RB1CC1: variants seen among roughly 807,000 people sequenced by gnomAD.
RB1CC1 encodes the protein RB1 inducible coiled-coil 1, also known as RB1-inducible coiled-coil protein 1.
A neutral mutation model predicts 177.5 loss-of-function variants in RB1CC1; 46 were observed. The ratio of observed to expected loss-of-function variants is 0.26; its 90% confidence interval spans 0.20 to 0.33. The LOEUF (loss-of-function observed/expected upper bound fraction) is 0.33. RB1CC1 is among the 10% of genes least tolerant of loss of function. The probability of loss-of-function intolerance (pLI) is 1.00; values close to 1 mark genes in which losing one functional copy is unlikely to be tolerated. For missense variants in RB1CC1, 1,703 were observed against 1,816.3 expected (o/e 0.94, Z 1.13); for synonymous variants, 666 against 613.6 (o/e 1.09, Z -1.26).
intron 8 of RB1CC1, among the ~76,000 whole-genome samples, chr8:52,666,619 T>C (rs1365103168): frequency 1.3e-5 from 2 of 152,066 alleles, no homozygotes; most frequent in Admixed American, 1.3e-4. Context: ...TAAACTGCTA[T>C]GTGCTTAATG....
intron 18 of RB1CC1, among the ~76,000 whole-genome samples, chr8:52,639,109 T>C (rs1057306876): frequency 3.8e-4 from 57 of 151,994 alleles, no homozygotes; most frequent in African/African-American, 1.4e-3. Context: ...ACCTAACATA[T>C]TGTTAGAATT....
intron 5 of RB1CC1, among the ~76,000 whole-genome samples, chr8:52,676,832 G>A (rs1319750708): frequency 1.3e-5 from 2 of 152,134 alleles, no homozygotes; most frequent in Non-Finnish European, 2.9e-5. Context: ...CAAAGGAGTA[G>A]GGCTTTCAAT....
intron 15 of RB1CC1, among the ~76,000 whole-genome samples, chr8:52,652,784 G>A (rs780673357): frequency 3.3e-5 from 5 of 152,124 alleles, no homozygotes; most frequent in East Asian, 1.9e-4. Flanking sequence ...CTGGCCAGGC[G>A]TGGTGGCTCA....
In RB1CC1 at chr8:52,661,044, A is replaced by T. The variant is rs778620731; in HGVS notation, c.1546-37T>A. On this transcript the variant is annotated intron_variant, in intron 10 of 23. Transcript: ENST00000025008. ...AAGCTTATGTTAAACATAAACATAC[A>T]CCAATTCGTTAAAGTTCATATACAG... is the stretch of plus-strand genomic sequence containing the variant. 255 of 1,610,912 alleles carry T rather than the reference A, an allele frequency of 1.6e-4. 1 individual carries two copies. The highest frequency in any genetic ancestry group is 1.7e-4 in the Non-Finnish European group (196 of 1,178,568).
chr8:52,645,526 TAAA>T (rs1489191122), intron 16 of RB1CC1, among the ~76,000 whole-genome samples, 173 bp downstream of exon 16: 1 of 151,938 alleles, frequency 6.6e-6, no homozygotes, highest in Non-Finnish European at 1.5e-5. Context: ...GTAAAAAAAC[TAAA>T]AAAAATTCTT....
chr8:52,654,291 T>C (rs1035765262), intron 15 of RB1CC1, among the ~76,000 whole-genome samples: 1 of 152,198 alleles, frequency 6.6e-6, no homozygotes, highest in Non-Finnish European at 1.5e-5. Flanking sequence ...TATGATCTCA[T>C]ATGCACTGCA....
chr8:52,655,258 A>G lies in RB1CC1; in HGVS notation c.3821+750T>C, dbSNP rs561383121. The stretch of plus-strand genomic sequence containing the variant: ...AATCACAAGAGATTGTATAAAAGTG[A>G]TAAGGCAAGACACAGGTTGAAATAT... On this transcript the variant is annotated intron_variant, in intron 15 of 23. Coordinates refer to ENST00000025008, the MANE Select transcript of RB1CC1 (RefSeq NM_014781.5). Among the ~76,000 whole-genome samples, 23 of 152,358 alleles carry G rather than the reference A, an allele frequency of 1.5e-4. No homozygotes were observed. The South Asian group carries it at 3.7e-3, about 25-fold the overall frequency.
intron 19 of RB1CC1, 49 bp downstream of exon 19, chr8:52,635,966 C>T (rs763429636): frequency 3.1e-6 from 5 of 1,588,794 alleles, no homozygotes; most frequent in African/African-American, 1.4e-5. Flanking sequence ...TAACTGTATC[C>T]AAAAGTGAAC....
At chr8:52,644,233 A>C (rs16918031) in intron 16 of RB1CC1, among the ~76,000 whole-genome samples, 4,456 of 152,276 alleles carry the variant, frequency 0.029, 245 homozygotes, top group African/African-American at 0.1. Flanking sequence ...AGGTACAAAT[A>C]ACCTTAAATA....
chr8:52,642,631 A>G, intron 17 of RB1CC1, 40 bp from the exon 18 acceptor site: 1 of 1,599,870 alleles, frequency 6.3e-7, no homozygotes, highest in Non-Finnish European at 8.5e-7. Flanking sequence ...CATGTAATTA[A>G]AAAAACCACT....
intron 8 of RB1CC1, 90 bp downstream of exon 8, chr8:52,667,931 T>C: frequency 7.9e-7 from 1 of 1,258,324 alleles, no homozygotes; most frequent in Non-Finnish European, 1.1e-6. Flanking sequence ...AAAGTGAAAA[T>C]ATGGTGCACA....
chr8:52,706,431 C>T (rs1856556631), intron 1 of RB1CC1, among the ~76,000 whole-genome samples: 1 of 150,866 alleles, frequency 6.6e-6, no homozygotes, highest in African/African-American at 2.4e-5. Flanking sequence ...GCGATCTCCG[C>T]TCACTGCAGC....
At position 52,642,353 on chromosome 8, in the gene RB1CC1, T is replaced by C. The variant is rs147276234; in HGVS notation, c.4335A>G (p.Val1445=). ...DSAMETSMMS[V]QENIHMLSEE... ...CAGTTGAAAACAGCCATACTTACTGTACAGACATCATGCTTGTCTCCATTG... is the reference window on the plus strand; with the variant it reads ...CAGTTGAAAACAGCCATACTTACTGCACAGACATCATGCTTGTCTCCATTG... Residue 1445 remains valine, a splice_region_variant and synonymous_variant, in exon 18 of 24, where the codon GTA becomes GTG. Transcript: ENST00000025008. 1.9e-6 allele frequency: 3 copies of C among 1,613,380 alleles called. No individual in the cohort carries two copies. The highest frequency in any genetic ancestry group is 2.5e-6 in the Non-Finnish European group (3 of 1,179,382).
rs142219728 is a variant in RB1CC1 at position 52,628,062 on chromosome 8, G to A, written c.4606C>T (p.Pro1536Ser). ...TLYFLHSESL[P>S]ALDLKPGEGA... ...TCACCTGGTTTGAGATCCAGGGCAG[G>A]TAGAGACTCTGAATGTAGAAAATAT... The change falls in exon 22 of 24, where the codon CCT (proline) becomes TCT (serine). Residue 1536 changes from proline (P) to serine (S), a missense_variant. Pro to Ser is a moderately conservative substitution (Grantham distance 74). This residue lies in a region of RB1CC1 where 70 missense variants were observed against 118.0 expected (regional missense o/e 0.59). Coordinates refer to ENST00000025008, the MANE Select transcript of RB1CC1 (RefSeq NM_014781.5). 10 of 1,605,336 alleles carry A rather than the reference G, an allele frequency of 6.2e-6. No individual in the cohort carries two copies. The East Asian group carries it at 2.0e-4, about 33-fold the overall frequency.
chr8:52,636,078 G>C lies in RB1CC1; in HGVS notation c.4338-9C>G. Reference sequence around the variant, plus strand: ...ACATATGAATATTTTCTCTAAAAGTGAGAATAATTGAGTTTCAGTTTGAAA... The same window carrying C: ...ACATATGAATATTTTCTCTAAAAGTCAGAATAATTGAGTTTCAGTTTGAAA... On this transcript the variant is annotated splice_polypyrimidine_tract_variant and intron_variant, in intron 18 of 23. Coordinates refer to ENST00000025008, the MANE Select transcript of RB1CC1 (RefSeq NM_014781.5). 2 of 1,598,750 alleles carry C rather than the reference G, an allele frequency of 1.3e-6. No homozygotes were observed. The highest frequency in any genetic ancestry group is 1.7e-6 in the Non-Finnish European group (2 of 1,175,322).
At chr8:52,636,656 G>A (rs1486126802) in intron 18 of RB1CC1, among the ~76,000 whole-genome samples, 1 of 152,138 alleles carries the variant, frequency 6.6e-6, no homozygotes, top group Non-Finnish European at 1.5e-5. Context: ...TACTTCTTTA[G>A]GAAGACGCTT....
chr8:52,629,926 G>A (rs1311532479), intron 21 of RB1CC1, among the ~76,000 whole-genome samples: 7 of 152,042 alleles, frequency 4.6e-5, no homozygotes, highest in East Asian at 1.9e-4. Flanking sequence ...CCCCCTCACC[G>A]TCATCCAATC....
At chr8:52,651,058 T>C (rs1429070110) in intron 15 of RB1CC1, among the ~76,000 whole-genome samples, 1 of 152,176 alleles carries the variant, frequency 6.6e-6, no homozygotes, top group Non-Finnish European at 1.5e-5. Flanking sequence ...TGCAAAGCAA[T>C]TACAGAATCT....
intron 18 of RB1CC1, among the ~76,000 whole-genome samples, chr8:52,636,757 T>G (rs1038803604): frequency 1.3e-5 from 2 of 152,242 alleles, no homozygotes; most frequent in Non-Finnish European, 2.9e-5. Context: ...TAAGTCAACC[T>G]GCGCATATGG....
Sources: allele counts gnomAD v4.1 joint callset (sites outside exome capture counted in the v4.1 genomes callset), GRCh38; gene constraint gnomAD v4.1.1; regional missense constraint gnomAD v4.1.1; transcripts MANE v1.5; gene names NCBI Gene and HGNC (gene_info 2026-07-23, HGNC 2026-07-21).